Variants in CLSTN1 observed in about 807,000 individuals in gnomAD.
CLSTN1 encodes calsyntenin 1.
Under a neutral mutation model 108.3 loss-of-function variants are expected in CLSTN1, and 28 were observed. The observed-to-expected ratio is 0.26, with a 90% CI of 0.19 to 0.35. CLSTN1 has a LOEUF of 0.35. Among genes scored for constraint, CLSTN1 ranks in the 10% least tolerant of loss-of-function variants. The pLI is 1.00. For synonymous variants in CLSTN1, 524 were observed against 534.9 expected (o/e 0.98, Z 0.28); for missense variants, 1,157 against 1,302.6 (o/e 0.89, Z 1.72).
At chr1:9,762,928 C>T (rs1009136146) in intron 2 of CLSTN1, among the ~76,000 whole-genome samples, 4 of 152,096 alleles carry the variant, frequency 2.6e-5, no homozygotes, top group African/African-American at 7.2e-5. Context: ...TGAGCTCATA[C>T]GTGTCTCTAA....
intron 1 of CLSTN1, among the ~76,000 whole-genome samples, chr1:9,807,939 C>A (rs1238833823): frequency 6.6e-6 from 1 of 152,248 alleles, no homozygotes; most frequent in Non-Finnish European, 1.5e-5. Context: ...GCCTCCTAGC[C>A]CCTTCATCCC....
rs1001842195 is a variant in CLSTN1, at chr1:9,791,994, C to T, written c.92-18600G>A. Among the ~76,000 whole-genome samples the T allele has an allele frequency of 5.3e-5, 8 of 150,436 alleles. No individual in the cohort carries two copies. The South Asian group carries it at 1.8e-3, about 35-fold the overall frequency. On this transcript the variant is annotated intron_variant, in intron 1 of 18. Coordinates refer to ENST00000377298, the MANE Select transcript of CLSTN1 (RefSeq NM_001009566.3). Reference sequence around the variant, plus strand: ...GGAAATCATGTCTCTACTAAAAATACAAAAATTAGCTGGGCATGGTGGCGG... The same window carrying T: ...GGAAATCATGTCTCTACTAAAAATATAAAAATTAGCTGGGCATGGTGGCGG...
rs1408208349 is a variant in CLSTN1, at chr1:9,731,906, A to C, written c.2428-10T>G. On this transcript the variant is annotated splice_polypyrimidine_tract_variant and intron_variant, in intron 16 of 18. Coordinates refer to ENST00000377298, the MANE Select transcript of CLSTN1 (RefSeq NM_001009566.3). Reference sequence around the variant, plus strand: ...TGTGGATTACATTCACCTATAGCAGAGAAAGAGAGGATCGCTGGAGACAGG... The same window carrying C: ...TGTGGATTACATTCACCTATAGCAGCGAAAGAGAGGATCGCTGGAGACAGG... The C allele has an allele frequency of 6.2e-7, 1 of 1,614,134 alleles. No homozygotes were observed. The highest frequency in any genetic ancestry group is 8.5e-7 in the Non-Finnish European group (1 of 1,179,998).
chr1:9,733,610 A>T (rs1383466411), intron 15 of CLSTN1, 64 bp from the exon 16 acceptor site: 1 of 1,593,284 alleles, frequency 6.3e-7, no homozygotes, highest in Non-Finnish European at 8.6e-7. Flanking sequence ...GCAGGGCTGC[A>T]GCCGTCAGCA....
At chr1:9,804,674 G>A (rs1034617349) in intron 1 of CLSTN1, among the ~76,000 whole-genome samples, 1 of 152,196 alleles carries the variant, frequency 6.6e-6, no homozygotes, top group Non-Finnish European at 1.5e-5. Flanking sequence ...GTGAAATCCC[G>A]TCTCTACAAA....
At chr1:9,747,759 C>T (rs955714646) in intron 7 of CLSTN1, among the ~76,000 whole-genome samples, 1 of 152,042 alleles carries the variant, frequency 6.6e-6, no homozygotes, top group African/African-American at 2.4e-5. Context: ...CAATTATAAA[C>T]CAGTGGCCGG....
At chr1:9,774,429 G>A (rs1268528118) in intron 1 of CLSTN1, among the ~76,000 whole-genome samples, 5 of 151,950 alleles carry the variant, frequency 3.3e-5, no homozygotes. Flanking sequence ...AGCCAGGTGT[G>A]GTGGCACACA....
chr1:9,811,103 C>A (rs1654737514), intron 1 of CLSTN1, among the ~76,000 whole-genome samples: 1 of 152,132 alleles, frequency 6.6e-6, no homozygotes, highest in African/African-American at 2.4e-5. Flanking sequence ...AATGAATCTG[C>A]AAATATATAT....
At chr1:9,766,840 A>G (rs1652360416) in intron 2 of CLSTN1, among the ~76,000 whole-genome samples, 1 of 152,244 alleles carries the variant, frequency 6.6e-6, no homozygotes, top group Non-Finnish European at 1.5e-5. Context: ...AATCCGGGCG[A>G]GACTGGATCT....
chr1:9,731,728 C>A (rs1436627106), intron 17 of CLSTN1, 33 bp downstream of exon 17: 4 of 1,612,414 alleles, frequency 2.5e-6, no homozygotes, highest in Admixed American at 3.3e-5. Flanking sequence ...CGGCATGGAG[C>A]ATCTCCGCTT....
chr1:9,812,636 C>T (rs1341829359), intron 1 of CLSTN1, among the ~76,000 whole-genome samples: 3 of 151,964 alleles, frequency 2.0e-5, no homozygotes, highest in Non-Finnish European at 4.4e-5. Flanking sequence ...CACCTGAGGT[C>T]GGGAGTTCAA....
At chr1:9,767,275 G>C (rs977944607) in intron 2 of CLSTN1, among the ~76,000 whole-genome samples, 10 of 152,346 alleles carry the variant, frequency 6.6e-5, no homozygotes, top group Admixed American at 2.0e-4. Context: ...GGGCGCAGTG[G>C]CTCACGCCTG....
rs184885241 is a variant in CLSTN1 at position 9,785,970 on chromosome 1, G to A, written c.92-12576C>T. Among the ~76,000 whole-genome samples, 653 of 152,068 alleles carry A rather than the reference G, an allele frequency of 4.3e-3. 6 individuals carry two copies. The highest frequency in any genetic ancestry group is 0.015 in the African/African-American group (634 of 41,480). ...GTGGGTGGATCGCTTGAGTTCAGGAGTTCGACACCAGCCTGGGCAAAATGA... is the reference window on the plus strand; with the variant it reads ...GTGGGTGGATCGCTTGAGTTCAGGAATTCGACACCAGCCTGGGCAAAATGA... On this transcript the variant is annotated intron_variant, in intron 1 of 18. Transcript: ENST00000377298.
intron 11 of CLSTN1, 83 bp downstream of exon 11, chr1:9,737,415 G>A: frequency 2.4e-6 from 3 of 1,272,818 alleles, no homozygotes; most frequent in East Asian, 2.3e-5. Context: ...ATGCAACTGG[G>A]GCGTTTCATG....
Position 9,730,748 on chromosome 1 carries a change from A to G in CLSTN1, c.2749-43T>C, listed in dbSNP as rs1650327862. 1 of 1,531,830 alleles carries G rather than the reference A, an allele frequency of 6.5e-7. No homozygotes were observed. The highest frequency in any genetic ancestry group is 1.4e-5 in the African/African-American group (1 of 72,954). The allele number at this position is 1,531,830 out of a possible 1,614,324, so 94.9% of individuals were successfully genotyped here. On this transcript the variant is annotated intron_variant, in intron 18 of 18. Coordinates refer to ENST00000377298, the MANE Select transcript of CLSTN1 (RefSeq NM_001009566.3). The surrounding 1 kb of genome is among the most constrained non-coding windows in gnomAD (Gnocchi z 5.6). ...CGGCCACATGAGTCCGGCCCTGCCCACAGCCCCGTCACCTGGCATTCTCCT... is the reference window on the plus strand; with the variant it reads ...CGGCCACATGAGTCCGGCCCTGCCCGCAGCCCCGTCACCTGGCATTCTCCT...
intron 4 of CLSTN1, among the ~76,000 whole-genome samples, chr1:9,754,579 C>T (rs956816746): frequency 5.9e-5 from 9 of 151,506 alleles, no homozygotes; most frequent in African/African-American, 2.2e-4. Flanking sequence ...CACAAAAAGG[C>T]CAGGTACGGC....
chr1:9,732,450 T>C (rs2101073332), intron 16 of CLSTN1, among the ~76,000 whole-genome samples: 1 of 152,328 alleles, frequency 6.6e-6, no homozygotes, highest in South Asian at 2.1e-4. Flanking sequence ...ATGGGTCGTT[T>C]GGGAAGCACT....
chr1:9,789,631 G>A (rs1274521539), intron 1 of CLSTN1, among the ~76,000 whole-genome samples: 2 of 151,338 alleles, frequency 1.3e-5, no homozygotes, highest in African/African-American at 4.8e-5. Flanking sequence ...ATCTCTAAAA[G>A]ATAACAACTC....
intron 1 of CLSTN1, among the ~76,000 whole-genome samples, chr1:9,794,440 C>G (rs547449038): frequency 1.3e-5 from 2 of 151,602 alleles, no homozygotes; most frequent in African/African-American, 4.8e-5. Context: ...TCCCAAGTAG[C>G]TGAGATCACA....
Sources: gnomAD v4.1 joint callset for allele counts (sites outside exome capture counted in the v4.1 genomes callset) on GRCh38, gnomAD v4.1.1 for gene constraint, Gnocchi (gnomAD v3.1) non-coding constraint, MANE v1.5 for transcripts, NCBI Gene and HGNC (gene_info 2026-07-23, HGNC 2026-07-21) for gene names.